Variants in GALK2 observed in about 807,000 individuals in gnomAD.
GALK2 encodes galactokinase 2, also known as N-acetylgalactosamine kinase.
GALK2 carries 36 observed loss-of-function variants against 52.4 expected under a neutral mutation model. The observed-to-expected ratio is 0.69, with a 90% confidence interval of 0.53 to 0.91. GALK2 has a LOEUF of 0.91. GALK2 is among the 40% of genes least tolerant of loss of function. The pLI is 0.00. For synonymous variants in GALK2, 176 were observed against 199.1 expected (o/e 0.88, Z 0.98); for missense variants, 579 against 559.1 (o/e 1.04, Z -0.36).
At chr15:49,231,595 C>T (rs2090506353) in intron 3 of GALK2, among the ~76,000 whole-genome samples, 1 of 152,214 alleles carries the variant, frequency 6.6e-6, no homozygotes, top group Non-Finnish European at 1.5e-5. Flanking sequence ...AGGCAAGTCC[C>T]TTCTGCCTAT....
At chr15:49,362,141 T>C (rs1482969645) in intron 3 of GALK2, among the ~76,000 whole-genome samples, 1 of 152,128 alleles carries the variant, frequency 6.6e-6, no homozygotes, top group Non-Finnish European at 1.5e-5. Flanking sequence ...ATAGTTTGGC[T>C]CTGTGTCCCC....
At chr15:49,221,429 G>A (rs373527706) in intron 3 of GALK2, among the ~76,000 whole-genome samples, 50 of 152,154 alleles carry the variant, frequency 3.3e-4, no homozygotes, top group African/African-American at 1.2e-3. Flanking sequence ...ACTTTGGGAG[G>A]CTGAGGCAGG....
intron 3 of GALK2, among the ~76,000 whole-genome samples, chr15:49,360,966 C>T (rs2044119107): frequency 1.3e-5 from 2 of 152,022 alleles, no homozygotes. Context: ...ATAATGTCAT[C>T]CTCCCTCTTG....
At chr15:49,209,598 G>GT (rs945170051) in intron 2 of GALK2, among the ~76,000 whole-genome samples, 16 of 152,038 alleles carry the variant, frequency 1.1e-4, no homozygotes, top group African/African-American at 3.9e-4. Context: ...GATTATATGG[G>GT]TTTTGTCCTT....
chr15:49,364,321 T>C (rs2044746212), intron 3 of GALK2, among the ~76,000 whole-genome samples: 1 of 152,198 alleles, frequency 6.6e-6, no homozygotes, highest in African/African-American at 2.4e-5. Flanking sequence ...GGGATTCAGT[T>C]TATTCCTAGT....
chr15:49,173,696 T>C (rs2085255246), intron 1 of GALK2, among the ~76,000 whole-genome samples: 1 of 152,234 alleles, frequency 6.6e-6, no homozygotes, highest in African/African-American at 2.4e-5. Flanking sequence ...ACTTAATCTT[T>C]CTCAGATATC....
At chr15:49,270,521 C>T (rs2030339668) in intron 5 of GALK2, among the ~76,000 whole-genome samples, 1 of 152,158 alleles carries the variant, frequency 6.6e-6, no homozygotes. Flanking sequence ...TTATAATGAC[C>T]TTCAGTAGAT....
At chr15:49,309,965 G>C (rs936652015) in intron 8 of GALK2, among the ~76,000 whole-genome samples, 2 of 152,082 alleles carry the variant, frequency 1.3e-5, no homozygotes, top group African/African-American at 4.8e-5. Context: ...ACTCTACAGT[G>C]CTATAGGACA....
At chr15:49,221,383 T>C (rs897472982) in intron 3 of GALK2, among the ~76,000 whole-genome samples, 1 of 152,146 alleles carries the variant, frequency 6.6e-6, no homozygotes, top group African/African-American at 2.4e-5. Flanking sequence ...ATGAGTTTGC[T>C]GGCCGAGCGT....
At chr15:49,286,902 G>A (rs1468365580) in intron 7 of GALK2, among the ~76,000 whole-genome samples, 2 of 152,122 alleles carry the variant, frequency 1.3e-5, no homozygotes, top group South Asian at 4.1e-4. Context: ...GTTTTATCAC[G>A]AAATTAGATA....
chr15:49,366,414 GCAC>G lies in GALK2; in HGVS notation c.427-1073_427-1071del. The G allele has an allele frequency of 2.4e-6, 2 of 843,756 alleles. 1 individual carries two copies. Among genetic ancestry groups the G allele is most frequent in the Non-Finnish European group, 4.2e-6 (2 of 478,930 alleles). The allele number at this position is 843,756 out of a possible 1,614,324, so 52.3% of individuals were successfully genotyped here. ...TCAAGAAAATGGCAGCTGCCCCATT[GCAC>G]CACAACTGCTTTGTTCTTTATGTCA... On this transcript the variant is annotated intron_variant, in intron 3 of 3. Coordinates refer to the GALK2 transcript ENST00000558399.
intron 8 of GALK2, among the ~76,000 whole-genome samples, chr15:49,298,147 A>G (rs1189726382): frequency 1.3e-5 from 2 of 152,134 alleles, no homozygotes; most frequent in East Asian, 3.9e-4. Flanking sequence ...TTGGTTAACT[A>G]TATTCCTAAG....
intron 3 of GALK2, among the ~76,000 whole-genome samples, chr15:49,218,739 C>T (rs886525985): frequency 3.9e-5 from 6 of 152,176 alleles, no homozygotes; most frequent in Non-Finnish European, 1.5e-5. Flanking sequence ...ATGAATAATA[C>T]TGCTACAAAT....
chr15:49,300,381 C>G (rs1190561232), intron 8 of GALK2, among the ~76,000 whole-genome samples: 2 of 152,012 alleles, frequency 1.3e-5, no homozygotes, highest in East Asian at 3.9e-4. Context: ...ATTCTTGCTT[C>G]TTTATCCCAC....
chr15:49,265,076 G>T (rs562333042), intron 5 of GALK2, among the ~76,000 whole-genome samples: 1 of 152,094 alleles, frequency 6.6e-6, no homozygotes, highest in African/African-American at 2.4e-5. Flanking sequence ...CTCCAGCTGC[G>T]TGCTGGGAGA....
At chr15:49,367,118 C>A (rs1271301310) in intron 3 of GALK2, among the ~76,000 whole-genome samples, 1 of 152,170 alleles carries the variant, frequency 6.6e-6, no homozygotes, top group Admixed American at 6.5e-5. Flanking sequence ...GAAGCCCATG[C>A]CTCATAATTC....
chr15:49,332,738 C>G (rs1352485176), downstream of GALK2, among the ~76,000 whole-genome samples: 1 of 152,156 alleles, frequency 6.6e-6, no homozygotes, highest in East Asian at 1.9e-4. Flanking sequence ...TTCTGCAAAT[C>G]CCAAATACAT....
chr15:49,366,469 T>C lies in GALK2; in HGVS notation c.427-1022T>C, dbSNP rs1420408568. On this transcript the variant is annotated intron_variant, in intron 3 of 3. Coordinates refer to the GALK2 transcript ENST00000558399. ...CAGGAGGAACATCAGAAAGGTTGCA[T>C]AGTGGTGCGGAAGTCAGATTCATCA... is the stretch of plus-strand genomic sequence containing the variant. 1.1e-5 allele frequency: 11 copies of C among 1,045,404 alleles called. No individual in the cohort carries two copies. In the East Asian group the frequency reaches 1.4e-4, roughly 13 times the overall value. The allele number at this position is 1,045,404 out of a possible 1,614,324, so 64.8% of individuals were successfully genotyped here.
chr15:49,239,471 T>A, intron 5 of GALK2, 104 bp downstream of exon 5: 1 of 1,068,398 alleles, frequency 9.4e-7, no homozygotes, highest in Non-Finnish European at 1.4e-6. Context: ...CTGTCTTCTC[T>A]AAAAGGACTG....
Sources: gnomAD v4.1 joint callset for allele counts (sites outside exome capture counted in the v4.1 genomes callset) on GRCh38, gnomAD v4.1.1 for gene constraint, MANE v1.5 for transcripts, NCBI Gene and HGNC (gene_info 2026-07-23, HGNC 2026-07-21) for gene names.